The following SLC17A8 variants were observed in gnomAD, a reference collection of about 807,000 sequenced individuals.
The protein encoded by SLC17A8 is vesicular glutamate transporter 3.
A neutral mutation model predicts 58.0 loss-of-function variants in SLC17A8; 31 were observed. The observed-to-expected ratio is 0.53, with a 90% CI of 0.40 to 0.72. SLC17A8 has a LOEUF of 0.72. SLC17A8 is among the 30% of genes least tolerant of loss of function. The pLI is 0.00. For missense variants in SLC17A8, 655 were observed against 727.8 expected (o/e 0.90, Z 1.15); for synonymous variants, 228 against 249.0 (o/e 0.92, Z 0.79).
At chr12:100,390,211 T>C (rs1952705506) in intron 2 of SLC17A8, among the ~76,000 whole-genome samples, 1 of 152,104 alleles carries the variant, frequency 6.6e-6, no homozygotes, top group Non-Finnish European at 1.5e-5. Context: ...GTAATCCTCT[T>C]GCCTAGGCCT....
chr12:100,418,288 C>CTT, intron 11 of SLC17A8, 132 bp downstream of exon 11: 30 of 1,002,276 alleles, frequency 3.0e-5, no homozygotes, highest in Non-Finnish European at 4.0e-5. Context: ...AGCTGAACTT[C>CTT]TTTTTTTTTT....
rs145178639 is a variant in SLC17A8 at position 100,418,084 on chromosome 12, G to C, written c.1353G>C (p.Gly451=). 82 of 1,614,182 alleles carry C rather than the reference G, an allele frequency of 5.1e-5. No individual in the cohort carries two copies. The African/African-American group carries it at 7.5e-4, about 15-fold the overall frequency. Reference sequence around the variant, plus strand: ...CACGCTATGCCAGCATTCTCATGGGGATCTCAAACGGAGTGGGAACCCTCT... The same window carrying C: ...CACGCTATGCCAGCATTCTCATGGGCATCTCAAACGGAGTGGGAACCCTCT... ...IAPRYASILM[G]ISNGVGTLSG... The change falls in exon 11 of 12, where the codon GGG becomes GGC. Residue 451 remains glycine (G), a synonymous_variant. Coordinates refer to ENST00000323346, the MANE Select transcript of SLC17A8 (RefSeq NM_139319.3).
chr12:100,379,987 T>C (rs1026144087), intron 1 of SLC17A8, among the ~76,000 whole-genome samples: 7 of 151,800 alleles, frequency 4.6e-5, no homozygotes, highest in Non-Finnish European at 5.9e-5. Flanking sequence ...ATCATCTGAG[T>C]CGGGAGTTTG....
At chr12:100,418,402 G>C (rs1357983147) in intron 11 of SLC17A8, among the ~76,000 whole-genome samples, 1 of 152,088 alleles carries the variant, frequency 6.6e-6, no homozygotes, top group Admixed American at 6.6e-5. Context: ...CTGGGGAGAG[G>C]GGATGGGCCA....
intron 9 of SLC17A8, among the ~76,000 whole-genome samples, chr12:100,407,463 C>T (rs1249770882): frequency 1.3e-5 from 2 of 152,104 alleles, no homozygotes; most frequent in Admixed American, 6.6e-5. Context: ...AACAAAGTGC[C>T]TGTTGAGAGG....
At chr12:100,415,046 A>C (rs1483520890) in intron 10 of SLC17A8, among the ~76,000 whole-genome samples, 3 of 152,232 alleles carry the variant, frequency 2.0e-5, no homozygotes, top group African/African-American at 7.2e-5. Flanking sequence ...CTGTTCCCAG[A>C]GATACTGAAA....
At chr12:100,392,525 G>C (rs975426734) in intron 3 of SLC17A8, among the ~76,000 whole-genome samples, 1 of 152,038 alleles carries the variant, frequency 6.6e-6, no homozygotes, top group African/African-American at 2.4e-5. Flanking sequence ...TCTAATTTAT[G>C]TCTTTTATTT....
chr12:100,398,400 TTGGA>T (rs1306439027), intron 5 of SLC17A8, among the ~76,000 whole-genome samples: 2 of 152,188 alleles, frequency 1.3e-5, no homozygotes, highest in Non-Finnish European at 2.9e-5. Context: ...CTTACTTTCT[TTGGA>T]TGGTTTATTT....
Position 100,396,373 on chromosome 12 carries a change from C to T in SLC17A8, c.632C>T (p.Ala211Val), listed in dbSNP as rs121918339. Residue 211 changes from alanine to valine, a missense_variant, in exon 5 of 12, where the codon GCA (alanine) becomes GTA (valine). By Grantham distance (64) the Ala-to-Val change is moderately conservative. Transcript: ENST00000323346. The stretch of plus-strand genomic sequence containing the variant: ...TGCCATGGGATGTGGAGTAAGTGGG[C>T]ACCACCTTTGGAGAGAAGCCGACTG... Reference protein sequence around the residue: ...PACHGMWSKWAPPLERSRLAT... With the variant: ...PACHGMWSKWVPPLERSRLAT... 1 of 1,614,112 alleles carries T rather than the reference C, an allele frequency of 6.2e-7. No homozygotes were observed. The highest frequency in any genetic ancestry group is 8.5e-7 in the Non-Finnish European group (1 of 1,180,018).
At chr12:100,393,624 A>G in intron 4 of SLC17A8, 141 bp downstream of exon 4, 1 of 649,218 alleles carries the variant, frequency 1.5e-6, no homozygotes, top group Non-Finnish European at 2.8e-6. Context: ...ATTCTCTGGT[A>G]ATGGCTAAAA....
chr12:100,366,412 T>C (rs1952521515), intron 1 of SLC17A8, among the ~76,000 whole-genome samples: 1 of 152,200 alleles, frequency 6.6e-6, no homozygotes. Context: ...GTGCCAGGAC[T>C]CCACTTATTA....
At chr12:100,399,956 C>T (rs559848451) in intron 5 of SLC17A8, among the ~76,000 whole-genome samples, 1 of 152,290 alleles carries the variant, frequency 6.6e-6, no homozygotes, top group South Asian at 2.1e-4. Context: ...CCTGTGTGAC[C>T]TCAGGCAATC....
chr12:100,357,791 T>C (rs1169617235), intron 1 of SLC17A8, among the ~76,000 whole-genome samples: 1 of 152,192 alleles, frequency 6.6e-6, no homozygotes, highest in Non-Finnish European at 1.5e-5. Flanking sequence ...AATTAGAAAA[T>C]ATTTAGGGAG....
Position 100,391,026 on chromosome 12 carries a change from A to C in SLC17A8, c.380A>C (p.Glu127Ala), listed in dbSNP as rs1952711980. 6.2e-7 allele frequency: 1 copy of C among 1,613,442 alleles called. No individual in the cohort carries two copies. Among genetic ancestry groups the C allele is most frequent in the Non-Finnish European group, 8.5e-7 (1 of 1,179,488 alleles). ...ACAGCACAGTTTAACTGGGATCCAG[A>C]AACAGTGGGCCTTATCCATGGATCT... ...IQTAQFNWDP[E>A]TVGLIHGSFF... Residue 127 changes from glutamate (E) to alanine (A), a missense_variant, in exon 3 of 12, where the codon GAA becomes GCA. Physicochemically the swap from Glu to Ala is moderately radical, Grantham distance 107. Coordinates refer to ENST00000323346, the MANE Select transcript of SLC17A8 (RefSeq NM_139319.3).
chr12:100,373,887 C>G (rs1473119916), intron 1 of SLC17A8, among the ~76,000 whole-genome samples: 1 of 152,112 alleles, frequency 6.6e-6, no homozygotes, highest in Admixed American at 6.5e-5. Context: ...CTGTGCCTGG[C>G]CCAAATCAGT....
At chr12:100,405,672 C>G (rs753054794) in intron 9 of SLC17A8, among the ~76,000 whole-genome samples, 12 of 152,046 alleles carry the variant, frequency 7.9e-5, no homozygotes, top group Non-Finnish European at 1.6e-4. Context: ...TAGCCCTGTA[C>G]CATTTTGGAT....
chr12:100,369,473 G>T (rs922804760), intron 1 of SLC17A8, among the ~76,000 whole-genome samples: 2 of 152,108 alleles, frequency 1.3e-5, no homozygotes, highest in Non-Finnish European at 2.9e-5. Flanking sequence ...CAGAAATTCT[G>T]CCACAGCAGT....
In SLC17A8 at chr12:100,383,986, A is replaced by G. The variant is rs186726403; in HGVS notation, c.354+3033A>G. ...TCCCAAAGTGCTGGGACAAGCATGC[A>G]CCACTGTGCCTGGCCCATATTTTAA... On this transcript the variant is annotated intron_variant, in intron 2 of 11. Coordinates refer to ENST00000323346, the MANE Select transcript of SLC17A8 (RefSeq NM_139319.3). Among the ~76,000 whole-genome samples the G allele has an allele frequency of 2.0e-5, 3 of 152,320 alleles. No homozygotes were observed. In the East Asian group the frequency reaches 5.8e-4, roughly 29 times the overall value.
intron 2 of SLC17A8, among the ~76,000 whole-genome samples, chr12:100,381,328 G>A (rs528005343): frequency 6.6e-6 from 1 of 152,286 alleles, no homozygotes; most frequent in Non-Finnish European, 1.5e-5. Context: ...GGATAGAAAG[G>A]TGAATGACCT....
Sources: gnomAD v4.1 joint callset for allele counts (sites outside exome capture counted in the v4.1 genomes callset) on GRCh38, gnomAD v4.1.1 for gene constraint, MANE v1.5 for transcripts, NCBI Gene and HGNC (gene_info 2026-07-23, HGNC 2026-07-21) for gene names.